Variants in GALNT2 observed in about 807,000 individuals in gnomAD.
GALNT2 encodes the protein polypeptide N-acetylgalactosaminyltransferase 2.
A neutral mutation model predicts 81.4 loss-of-function variants in GALNT2; 31 were observed. The ratio of observed to expected loss-of-function variants is 0.38; its 90% CI spans 0.29 to 0.51. GALNT2 has a LOEUF of 0.51. GALNT2 is among the 20% of genes least tolerant of loss of function. The probability of loss-of-function intolerance (pLI) is 0.87; values close to 1 mark genes in which losing one functional copy is unlikely to be tolerated. For synonymous variants in GALNT2, 303 were observed against 287.4 expected, an observed-to-expected ratio of 1.05 and a Z score of -0.55; for missense variants, 629 against 765.7, an observed-to-expected ratio of 0.82 and a Z score of 2.11.
At chr1:230,233,232 C>T (rs960226545) in intron 3 of GALNT2, among the ~76,000 whole-genome samples, 2 of 152,164 alleles carry the variant, frequency 1.3e-5, no homozygotes, top group South Asian at 2.1e-4. Context: ...CTATCTCCTT[C>T]GTCCACTGAT....
chr1:230,107,593 ATTTC>A (rs1660577356), intron 1 of GALNT2, among the ~76,000 whole-genome samples: 1 of 124,752 alleles, frequency 8.0e-6, no homozygotes, highest in African/African-American at 3.0e-5. Flanking sequence ...AAAAATTCTC[ATTTC>A]TTCTCATGGA....
At chr1:230,132,033 A>AGG (rs1553259476) in intron 1 of GALNT2, among the ~76,000 whole-genome samples, 4 of 152,146 alleles carry the variant, frequency 2.6e-5, no homozygotes, top group African/African-American at 9.7e-5. Flanking sequence ...GTAGAAGCTT[A>AGG]GGGGGGCTGC....
intron 1 of GALNT2, among the ~76,000 whole-genome samples, chr1:230,171,784 A>T (rs1011162159): frequency 4.6e-5 from 7 of 152,216 alleles, no homozygotes; most frequent in African/African-American, 1.4e-4. Flanking sequence ...GTGGTGTTTC[A>T]TAATTCAAAA....
chr1:230,192,562 C>T (rs1232087037), intron 2 of GALNT2, among the ~76,000 whole-genome samples: 1 of 152,100 alleles, frequency 6.6e-6, no homozygotes, highest in Non-Finnish European at 1.5e-5. Flanking sequence ...GGTAGTACAA[C>T]ATATAACGAA....
At position 230,252,108 on chromosome 1, in the gene GALNT2, G is replaced by T. The variant is rs541795365; in HGVS notation, c.1009+1548G>T. ...GTTATGCCAAGGACTTGGACTCCCA[G>T]TGAGGTTTGGAGGGCTCAAGAGCTT... On this transcript the variant is annotated intron_variant, in intron 10 of 15. Coordinates refer to ENST00000366672, the MANE Select transcript of GALNT2 (RefSeq NM_004481.5). Among the ~76,000 whole-genome samples the T allele has an allele frequency of 2.2e-4, 34 of 152,314 alleles. No homozygotes were observed. The South Asian group carries it at 6.4e-3, about 29-fold the overall frequency.
chr1:230,238,610 C>A (rs1389362369), intron 6 of GALNT2, among the ~76,000 whole-genome samples: 1 of 152,074 alleles, frequency 6.6e-6, no homozygotes, highest in East Asian at 1.9e-4. Flanking sequence ...TTTTTCTCTG[C>A]ATTTGTGGAG....
chr1:230,155,159 G>A (rs1362648946), intron 1 of GALNT2, among the ~76,000 whole-genome samples: 3 of 152,212 alleles, frequency 2.0e-5, no homozygotes, highest in African/African-American at 7.2e-5. Context: ...CCAGGTCCTC[G>A]GTTTCCCTTC....
At chr1:230,113,489 C>T (rs559565113) in intron 1 of GALNT2, among the ~76,000 whole-genome samples, 171 of 152,200 alleles carry the variant, frequency 1.1e-3, no homozygotes, top group Non-Finnish European at 2.3e-3. Flanking sequence ...AAGACCTGAC[C>T]CCACCTGCTG....
At chr1:230,146,698 G>T (rs925806852) in intron 1 of GALNT2, among the ~76,000 whole-genome samples, 2 of 152,230 alleles carry the variant, frequency 1.3e-5, no homozygotes, top group South Asian at 2.1e-4. Context: ...GGACTAACCT[G>T]GAGGGATGGC....
chr1:230,164,457 A>T (rs1662536405), intron 1 of GALNT2, among the ~76,000 whole-genome samples: 1 of 151,920 alleles, frequency 6.6e-6, no homozygotes. Flanking sequence ...AGAGGAGATG[A>T]GCCTCTCAGC....
rs191561603 is a variant in GALNT2, at chr1:230,115,339, G to A, written c.126+47933G>A. Among the ~76,000 whole-genome samples the A allele has an allele frequency of 2.6e-5, 4 of 152,210 alleles. No individual in the cohort carries two copies. In the East Asian group the frequency reaches 7.7e-4, roughly 29 times the overall value. On this transcript the variant is annotated intron_variant, in intron 1 of 15. Transcript: ENST00000366672. The stretch of plus-strand genomic sequence containing the variant: ...GGTTTGGACAAATGTACAGACACAC[G>A]TCTGAGAAAATTGTGGGTTTGATTT...
intron 1 of GALNT2, among the ~76,000 whole-genome samples, chr1:230,174,299 T>G (rs1662887609): frequency 1.3e-5 from 2 of 152,146 alleles, no homozygotes; most frequent in South Asian, 4.1e-4. Context: ...CCTGCAGCAT[T>G]GGCCTCTCCT....
intron 1 of GALNT2, among the ~76,000 whole-genome samples, chr1:230,175,590 G>T (rs1291408907): frequency 2.7e-5 from 1 of 37,174 alleles, no homozygotes; most frequent in Non-Finnish European, 4.0e-5. Flanking sequence ...TCCCCTCCTC[G>T]TCCCCTCCTC....
At chr1:230,065,507 A>G (rs764357629), upstream of GALNT2, among the ~76,000 whole-genome samples, 1 of 152,086 alleles carries the variant, frequency 6.6e-6, no homozygotes, top group Non-Finnish European at 1.5e-5. Context: ...CTTATGCTTC[A>G]TGGTTTTTAT....
chr1:230,262,837 TCTC>T (rs1467875930), intron 12 of GALNT2, 82 bp from the exon 13 acceptor site: 17 of 1,426,178 alleles, frequency 1.2e-5, no homozygotes, highest in East Asian at 2.3e-5. Context: ...CCAACCCTGT[TCTC>T]CTCAGCAGAT....
At chr1:230,154,953 G>A (rs1662201105) in intron 1 of GALNT2, among the ~76,000 whole-genome samples, 1 of 152,150 alleles carries the variant, frequency 6.6e-6, no homozygotes, top group African/African-American at 2.4e-5. Context: ...GACATCCAAG[G>A]CCCCTTGCAG....
At chr1:230,250,339 G>T in intron 9 of GALNT2, 118 bp from the exon 10 acceptor site, 1 of 740,374 alleles carries the variant, frequency 1.4e-6, no homozygotes, top group South Asian at 1.6e-5. Flanking sequence ...CAGTGTGGCT[G>T]TTCTGAAGAT....
At chr1:230,113,166 G>A (rs1660751963) in intron 1 of GALNT2, among the ~76,000 whole-genome samples, 3 of 152,282 alleles carry the variant, frequency 2.0e-5, no homozygotes, top group African/African-American at 7.2e-5. Context: ...CCAGCGCTGG[G>A]CACATCGGAT....
rs570271373 is a variant in GALNT2 at position 230,279,805 on chromosome 1, C to T, written c.*347C>T. The T allele has an allele frequency of 1.1e-3, 541 of 489,574 alleles. 1 individual carries two copies. Among genetic ancestry groups the T allele is most frequent in the Non-Finnish European group, 1.9e-3 (480 of 249,858 alleles). The allele number at this position is 489,574 out of a possible 1,614,324, so 30.3% of individuals were successfully genotyped here. On this transcript the variant is annotated 3_prime_UTR_variant, in exon 16 of 16. Transcript: ENST00000366672. The surrounding 1 kb of genome is among the most constrained non-coding windows in gnomAD (Gnocchi z 4.6). ...GTAGAAGCAACTGAACGGATGCGTGCGAGCTGAGGACAGGGCGGGAGGAGG... is the reference window on the plus strand; with the variant it reads ...GTAGAAGCAACTGAACGGATGCGTGTGAGCTGAGGACAGGGCGGGAGGAGG...
Sources: gnomAD v4.1 joint callset for allele counts (sites outside exome capture counted in the v4.1 genomes callset) on GRCh38, gnomAD v4.1.1 for gene constraint, Gnocchi (gnomAD v3.1) non-coding constraint, MANE v1.5 for transcripts, NCBI Gene and HGNC (gene_info 2026-07-23, HGNC 2026-07-21) for gene names.